The following KDM4C variants were observed in gnomAD, a reference collection of about 807,000 sequenced individuals.
The protein encoded by KDM4C is lysine demethylase 4C.
A neutral mutation model predicts 129.3 loss-of-function variants in KDM4C; 81 were observed. That is an observed-to-expected ratio of 0.63 (90% CI 0.52 to 0.75). KDM4C has a LOEUF of 0.75. Ranked by LOEUF, KDM4C falls within the 30% of genes least tolerant of loss-of-function variation. KDM4C has a pLI of 0.00. For missense variants in KDM4C, 1,457 were observed against 1,304.0 expected (o/e 1.12, Z -1.81); for synonymous variants, 573 against 456.1 (o/e 1.26, Z -3.26).
intron 21 of KDM4C, among the ~76,000 whole-genome samples, chr9:7,173,311 C>T (rs1258543052): frequency 1.3e-5 from 2 of 152,198 alleles, no homozygotes; most frequent in Admixed American, 6.5e-5. Flanking sequence ...AAGCATGGGG[C>T]CCTGAGCCAG....
intron 17 of KDM4C, among the ~76,000 whole-genome samples, chr9:7,088,080 G>T (rs1426591190): frequency 6.6e-6 from 1 of 152,224 alleles, no homozygotes; most frequent in Admixed American, 6.5e-5. Flanking sequence ...GAGATGGACA[G>T]TGTCTTTAGC....
chr9:6,795,268 A>G (rs1264742965), intron 2 of KDM4C, among the ~76,000 whole-genome samples: 1 of 152,132 alleles, frequency 6.6e-6, no homozygotes, highest in African/African-American at 2.4e-5. Flanking sequence ...GTAACCCACT[A>G]CTTTACTGTT....
At chr9:7,174,478 C>T (rs1346358839) in intron 21 of KDM4C, 75 bp from the exon 22 acceptor site, 67 of 1,427,668 alleles carry the variant, frequency 4.7e-5, no homozygotes, top group Non-Finnish European at 6.2e-5. Flanking sequence ...CCCAGCTGAC[C>T]GAGTCAGATC....
At chr9:6,989,890 T>C (rs1406780651) in intron 11 of KDM4C, among the ~76,000 whole-genome samples, 1 of 152,012 alleles carries the variant, frequency 6.6e-6, no homozygotes, top group Non-Finnish European at 1.5e-5. Flanking sequence ...TCCTCCCACC[T>C]TAGCCTCCTG....
At chr9:6,757,533 G>A, upstream of KDM4C, 3 of 710,952 alleles carry the variant, frequency 4.2e-6, no homozygotes, top group Non-Finnish European at 5.2e-6. Flanking sequence ...GGAACACAGC[G>A]CTGTCATCGC....
At chr9:7,152,448 C>T (rs940979793) in intron 19 of KDM4C, among the ~76,000 whole-genome samples, 1 of 152,068 alleles carries the variant, frequency 6.6e-6, no homozygotes, top group Non-Finnish European at 1.5e-5. Flanking sequence ...TATATGTCCA[C>T]GAAAGAAATA....
At chr9:7,096,606 G>T (rs992363945) in intron 17 of KDM4C, among the ~76,000 whole-genome samples, 1 of 152,322 alleles carries the variant, frequency 6.6e-6, no homozygotes, top group Non-Finnish European at 1.5e-5. Flanking sequence ...GAGACTAGAG[G>T]AGTATGGCAG....
chr9:6,976,584 G>A (rs578194424), intron 8 of KDM4C, among the ~76,000 whole-genome samples: 39 of 152,146 alleles, frequency 2.6e-4, no homozygotes, highest in African/African-American at 8.0e-4. Flanking sequence ...AGGCACTTTC[G>A]CTTTGTGTTG....
intron 5 of KDM4C, among the ~76,000 whole-genome samples, chr9:6,851,311 C>G (rs1209279840): frequency 6.6e-6 from 1 of 152,124 alleles, no homozygotes; most frequent in African/African-American, 2.4e-5. Flanking sequence ...GGTTTGAGCA[C>G]ATGCTTAAGG....
At chr9:7,080,536 A>G (rs886843778) in intron 17 of KDM4C, among the ~76,000 whole-genome samples, 2 of 152,234 alleles carry the variant, frequency 1.3e-5, no homozygotes, top group East Asian at 3.8e-4. Flanking sequence ...AATACAATTT[A>G]TTTGAATTGC....
intron 15 of KDM4C, among the ~76,000 whole-genome samples, chr9:7,020,223 C>G (rs1000007355): frequency 6.6e-6 from 1 of 152,310 alleles, no homozygotes; most frequent in African/African-American, 2.4e-5. Context: ...AATTTGGATT[C>G]TAGAATTATG....
chr9:7,103,549 G>C (rs1837338261), intron 17 of KDM4C, 136 bp from the exon 18 acceptor site: 1 of 664,020 alleles, frequency 1.5e-6, no homozygotes, highest in Admixed American at 2.9e-5. Context: ...AGGGCCCCTG[G>C]AGGGGTCAGG....
chr9:7,103,809 C>T lies in KDM4C; in HGVS notation c.2549C>T (p.Pro850Leu). The part of the protein sequence containing the change: ...CAHAAGVLME[P>L]DDWPYVVNIT... ...CATGCTGCTGGGGTACTGATGGAGC[C>T]TGATGACTGGCCTTATGTGGTGAAC... Residue 850 changes from proline (P) to leucine (L), a missense_variant, in exon 18 of 22, where the codon CCT becomes CTT. By Grantham distance (98) the Pro-to-Leu change is moderately conservative. Transcript: ENST00000381309. 6.2e-7 allele frequency: 1 copy of T among 1,614,052 alleles called. No homozygotes were observed. The highest frequency in any genetic ancestry group is 8.5e-7 in the Non-Finnish European group (1 of 1,179,958).
In KDM4C at chr9:7,011,497, A is replaced by C. The variant is rs533184146; in HGVS notation, c.1787-201A>C. On this transcript the variant is annotated intron_variant, in intron 12 of 21. Transcript: ENST00000381309. ...GGTGGTTGTCTGGCCGTGGGATCTGATCTAGTCTTTGAGGCTTGAGGAGGA... is the reference window on the plus strand; with the variant it reads ...GGTGGTTGTCTGGCCGTGGGATCTGCTCTAGTCTTTGAGGCTTGAGGAGGA... Among the ~76,000 whole-genome samples the C allele has an allele frequency of 2.0e-5, 3 of 152,240 alleles. No homozygotes were observed. In the East Asian group the frequency reaches 5.8e-4, roughly 29 times the overall value.
Position 7,049,101 on chromosome 9 carries a change from T to C in KDM4C, c.2325T>C (p.His775=), listed in dbSNP as rs1829806873. 2 of 1,610,888 alleles carry C rather than the reference T, an allele frequency of 1.2e-6. No homozygotes were observed. The highest frequency in any genetic ancestry group is 1.7e-6 in the Non-Finnish European group (2 of 1,177,498). ...GTCTCCTTTCCTGTAGGTGGGCCCA[T>C]GTCATGTGCGCCGTTGCGGTCCCAG... is the stretch of plus-strand genomic sequence containing the variant. ...LKQTKNNKWA[H]VMCAVAVPEV... The change falls in exon 17 of 22, where the codon CAT becomes CAC. Residue 775 remains histidine (H), a synonymous_variant. Transcript: ENST00000381309.
intron 1 of KDM4C, among the ~76,000 whole-genome samples, chr9:6,781,206 G>T (rs1032744947): frequency 3.9e-5 from 6 of 152,092 alleles, no homozygotes; most frequent in African/African-American, 9.7e-5. Context: ...CTTATTACAA[G>T]GGCCAAGGTA....
chr9:6,862,360 A>G (rs369163715), intron 5 of KDM4C, among the ~76,000 whole-genome samples: 1 of 152,114 alleles, frequency 6.6e-6, no homozygotes, highest in Non-Finnish European at 1.5e-5. Flanking sequence ...GTTTATTTTT[A>G]TTTTAATATT....
Position 6,757,985 on chromosome 9 carries a change from G to A in KDM4C, c.-236G>A. ...CCCTCGCGCAGGGAGAGCCGGCGGT[G>A]CGCGCGCCTTCGCCGCTGCCTCCCA... On this transcript the variant is annotated 5_prime_UTR_variant, in exon 1 of 22. Coordinates refer to ENST00000381309, the MANE Select transcript of KDM4C (RefSeq NM_015061.6). The A allele has an allele frequency of 1.0e-6, 1 of 985,386 alleles. No homozygotes were observed. The highest frequency in any genetic ancestry group is 1.2e-6 in the Non-Finnish European group (1 of 829,908). 61.0% of individuals were successfully genotyped at this position (985,386 alleles called of 1,614,324 possible). A position where few individuals can be genotyped will look rare whatever the true frequency, so the allele number is the denominator to read the frequency against.
intron 8 of KDM4C, among the ~76,000 whole-genome samples, chr9:6,964,884 G>C (rs536398368): frequency 6.6e-6 from 1 of 151,804 alleles, no homozygotes; most frequent in Non-Finnish European, 1.5e-5. Context: ...AGCCCAGGAG[G>C]CGGAGGTTGC....
Sources: gnomAD v4.1 joint callset for allele counts (sites outside exome capture counted in the v4.1 genomes callset) on GRCh38, gnomAD v4.1.1 for gene constraint, MANE v1.5 for transcripts, NCBI Gene and HGNC (gene_info 2026-07-23, HGNC 2026-07-21) for gene names.